KAT14: variants seen among roughly 807,000 people sequenced by gnomAD.
KAT14 encodes the protein cysteine-rich protein 2-binding protein.
In KAT14, 66 loss-of-function variants were observed where a neutral mutation model predicts 78.4. That is an observed-to-expected ratio of 0.84 (90% CI 0.69 to 1.03). The LOEUF (loss-of-function observed/expected upper bound fraction) is 1.03. Ranked by LOEUF, KAT14 falls within the 50% of genes least tolerant of loss-of-function variation. The probability of loss-of-function intolerance (pLI) is 0.00; values close to 1 mark genes in which losing one functional copy is unlikely to be tolerated. For missense variants in KAT14, 870 were observed against 972.5 expected (o/e 0.89, Z 1.40); for synonymous variants, 344 against 359.4 (o/e 0.96, Z 0.48).
Position 18,181,839 on chromosome 20 carries a change from T to C in KAT14, c.1798T>C (p.Tyr600His), listed in dbSNP as rs2039268584. 1 of 1,613,970 alleles carries C rather than the reference T, an allele frequency of 6.2e-7. No homozygotes were observed. Among genetic ancestry groups the C allele is most frequent in the South Asian group, 1.1e-5 (1 of 91,082 alleles). Residue 600 changes from tyrosine to histidine, a missense_variant, in exon 8 of 11, where the codon TAT becomes CAT. Physicochemically the swap from Tyr to His is moderately conservative, Grantham distance 83. Transcript: ENST00000688188. ...SPYTSRILKP[Y>H]IRRDYETKPP... Reference sequence around the variant, plus strand: ...TTATACCTCTCGGATCTTGAAACCTTATATCAGGTATATGGAGAACTAGAG... The same window carrying C: ...TTATACCTCTCGGATCTTGAAACCTCATATCAGGTATATGGAGAACTAGAG...
intron 4 of KAT14, among the ~76,000 whole-genome samples, chr20:18,152,761 T>G (rs1170413577): frequency 2.0e-5 from 3 of 152,276 alleles, no homozygotes; most frequent in Non-Finnish European, 4.4e-5. Flanking sequence ...TATTTTTAAC[T>G]ATTTTTCATA....
intron 7 of KAT14, among the ~76,000 whole-genome samples, chr20:18,173,986 A>C (rs1205205): frequency 0.31 from 47,600 of 151,986 alleles, 8,385 homozygotes; most frequent in East Asian, 0.78. Context: ...TACTACCCAA[A>C]ACTCCCTATT....
chr20:18,141,420 T>G (rs2037572957), intron 1 of KAT14, among the ~76,000 whole-genome samples: 1 of 152,162 alleles, frequency 6.6e-6, no homozygotes, highest in Non-Finnish European at 1.5e-5. Flanking sequence ...TGCATGATTT[T>G]TACATTGTTA....
intron 4 of KAT14, among the ~76,000 whole-genome samples, chr20:18,156,996 G>C (rs1008890830): frequency 6.6e-6 from 1 of 152,020 alleles, no homozygotes; most frequent in Non-Finnish European, 1.5e-5. Flanking sequence ...TAGCCTTGTG[G>C]GGCATATTCT....
Position 18,171,456 on chromosome 20 carries a change from G to A in KAT14, c.1668+8511G>A, listed in dbSNP as rs183666004. Among the ~76,000 whole-genome samples the A allele has an allele frequency of 1.3e-3, 204 of 152,330 alleles. 2 individuals are homozygous for A. Among genetic ancestry groups the A allele is most frequent in the African/African-American group, 4.5e-3 (188 of 41,578 alleles). ...AATATTGCATAAACTTAGTTGATAAGTTAGTGGCACAGTTTGACTCAGATT... is the reference window on the plus strand; with the variant it reads ...AATATTGCATAAACTTAGTTGATAAATTAGTGGCACAGTTTGACTCAGATT... On this transcript the variant is annotated intron_variant, in intron 7 of 10. Coordinates refer to ENST00000688188, the MANE Select transcript of KAT14 (RefSeq NM_001392073.1).
intron 2 of KAT14, chr20:18,143,182 TAAAG>T: frequency 8.4e-7 from 1 of 1,197,118 alleles, no homozygotes; most frequent in South Asian, 2.6e-5. Flanking sequence ...CTGTGTTACT[TAAAG>T]AATTAGCCAT....
chr20:18,158,117 G>C (rs910318310), intron 4 of KAT14, among the ~76,000 whole-genome samples: 1 of 152,126 alleles, frequency 6.6e-6, no homozygotes, highest in Non-Finnish European at 1.5e-5. Flanking sequence ...TGTATTTTTA[G>C]TAGAGACGGG....
At chr20:18,182,252 G>A (rs999502926) in intron 8 of KAT14, among the ~76,000 whole-genome samples, 2 of 151,856 alleles carry the variant, frequency 1.3e-5, no homozygotes, top group Admixed American at 6.6e-5. Context: ...CTCCCAAGTA[G>A]CTGGGATTAT....
chr20:18,175,121 A>G (rs1021448698), intron 7 of KAT14, among the ~76,000 whole-genome samples: 59 of 152,144 alleles, frequency 3.9e-4, no homozygotes, highest in African/African-American at 1.3e-3. Flanking sequence ...AAGTTTAGCA[A>G]AATGGGAGGT....
At chr20:18,138,245 C>A (rs2037375167) in intron 1 of KAT14, 194 bp downstream of exon 1, 7 of 1,239,288 alleles carry the variant, frequency 5.6e-6, no homozygotes, top group African/African-American at 1.6e-5. Context: ...CAGCTCCCGG[C>A]GGGCGTGTGC....
chr20:18,161,566 T>C lies in KAT14; in HGVS notation c.683-257T>C, dbSNP rs543206500. 3.3e-5 allele frequency among the ~76,000 whole-genome samples: 5 copies of C among 152,336 alleles called. No homozygotes were observed. The South Asian group carries it at 8.3e-4, about 25-fold the overall frequency. On this transcript the variant is annotated intron_variant, in intron 5 of 10. Coordinates refer to ENST00000688188, the MANE Select transcript of KAT14 (RefSeq NM_001392073.1). ...GAGTAGTTATTTTAAAATTTAGATA[T>C]GGGTTGAGCAATCCAAATCTGAAAA...
chr20:18,168,234 A>G (rs2038724014), intron 7 of KAT14, among the ~76,000 whole-genome samples: 1 of 152,228 alleles, frequency 6.6e-6, no homozygotes, highest in Non-Finnish European at 1.5e-5. Context: ...CTGATAAGAA[A>G]TAGAAATTTT....
intron 7 of KAT14, among the ~76,000 whole-genome samples, chr20:18,176,693 G>T (rs942375841): frequency 1.3e-5 from 2 of 152,218 alleles, no homozygotes; most frequent in Admixed American, 6.5e-5. Flanking sequence ...GAGGGAACGG[G>T]TTGGTGGCTA....
chr20:18,141,634 G>A (rs1205213), intron 1 of KAT14, among the ~76,000 whole-genome samples: 28,987 of 152,134 alleles, frequency 0.19, 2,940 homozygotes, highest in Non-Finnish European at 0.21. Context: ...CCTGTAATCC[G>A]GCACTTTGGG....
rs138604472 is a variant in KAT14, at chr20:18,154,351, C to T, written c.500+3409C>T. Among the ~76,000 whole-genome samples, 610 of 152,308 alleles carry T rather than the reference C, an allele frequency of 4.0e-3. 1 individual carries two copies. The highest frequency in any genetic ancestry group is 0.014 in the African/African-American group (581 of 41,556). ...TTTTTGAGACGGAGTCCTGCTCTGTCGTCCAGGCTGGAGTGCAGCGGCGTG... is the reference window on the plus strand; with the variant it reads ...TTTTTGAGACGGAGTCCTGCTCTGTTGTCCAGGCTGGAGTGCAGCGGCGTG... On this transcript the variant is annotated intron_variant, in intron 4 of 10. Transcript: ENST00000688188.
intron 4 of KAT14, among the ~76,000 whole-genome samples, chr20:18,157,059 A>G (rs1211748297): frequency 6.6e-6 from 1 of 152,242 alleles, no homozygotes; most frequent in Non-Finnish European, 1.5e-5. Context: ...GCGAGGTCAG[A>G]GGATACACAC....
rs1330406797 is a variant in KAT14, at chr20:18,150,860, A to G, written c.418A>G (p.Ser140Gly). ...AATGTACAACTTGTCTCTGGAAGGA[A>G]GTGGACGTCAAGGTTATTTCAGGTG... Reference protein sequence around the residue: ...LAMYNLSLEGSGRQGYFRWKE... With the variant: ...LAMYNLSLEGGGRQGYFRWKE... The change falls in exon 4 of 11, where the codon AGT (serine) becomes GGT (glycine). Residue 140 changes from serine to glycine, a missense_variant. By Grantham distance (56) the Ser-to-Gly change is moderately conservative (BLOSUM62 0). Transcript: ENST00000688188. 3 of 1,614,026 alleles carry G rather than the reference A, an allele frequency of 1.9e-6. No individual in the cohort carries two copies. Among genetic ancestry groups the G allele is most frequent in the Middle Eastern group, 1.6e-4 (1 of 6,084 alleles).
chr20:18,171,582 C>T (rs1031753420), intron 7 of KAT14, among the ~76,000 whole-genome samples: 53 of 152,272 alleles, frequency 3.5e-4, no homozygotes, highest in African/African-American at 1.3e-3. Context: ...GAGGCCGAGG[C>T]GGGCGGATCA....
chr20:18,182,518 G>A (rs1292800448), intron 8 of KAT14, among the ~76,000 whole-genome samples: 1 of 152,224 alleles, frequency 6.6e-6, no homozygotes, highest in Non-Finnish European at 1.5e-5. Flanking sequence ...ATCTGGACTG[G>A]ATGTATATGA....
Sources: gnomAD v4.1 joint callset for allele counts (sites outside exome capture counted in the v4.1 genomes callset) on GRCh38, gnomAD v4.1.1 for gene constraint, MANE v1.5 for transcripts, NCBI Gene and HGNC (gene_info 2026-07-23, HGNC 2026-07-21) for gene names.